PSMA1: variants seen among roughly 807,000 people sequenced by gnomAD.
The protein encoded by PSMA1 is proteasome 20S subunit alpha 1, also known as proteasome subunit alpha type-1.
PSMA1 carries 3 observed loss-of-function variants against 38.4 expected under a neutral mutation model. The observed-to-expected ratio is 0.08, with a 90% confidence interval of 0.04 to 0.20. PSMA1 has a LOEUF of 0.20. Ranked by LOEUF, PSMA1 falls within the 10% of genes least tolerant of loss-of-function variation. PSMA1 has a pLI of 1.00. For synonymous variants in PSMA1, 101 were observed against 107.1 expected, an observed-to-expected ratio of 0.94 and a Z score of 0.35; for missense variants, 227 against 325.3, an observed-to-expected ratio of 0.70 and a Z score of 2.32.
intron 2 of PSMA1, among the ~76,000 whole-genome samples, chr11:14,590,521 GA>G (rs1320657571): frequency 2.0e-5 from 3 of 152,144 alleles, no homozygotes; most frequent in African/African-American, 7.2e-5. Flanking sequence ...GATGAGGAAT[GA>G]AAACATCAGT....
intron 2 of PSMA1, among the ~76,000 whole-genome samples, chr11:14,536,867 G>A (rs1851715607): frequency 6.6e-6 from 1 of 152,080 alleles, no homozygotes; most frequent in Non-Finnish European, 1.5e-5. Context: ...CGCCCGCCTC[G>A]GCCTCCCGAA....
chr11:14,600,607 G>A (rs766206870), intron 2 of PSMA1, among the ~76,000 whole-genome samples: 2 of 152,208 alleles, frequency 1.3e-5, no homozygotes, highest in Non-Finnish European at 2.9e-5. Context: ...GAACAGCACT[G>A]TATTTGAGCG....
chr11:14,518,105 CTT>C lies in PSMA1; in HGVS notation c.49-126_49-125del, dbSNP rs879358641. ...CTGATTTTTTTTTTAATCAAGAGACCTTTTTTTTTTTTTGAGACAGGTTCTCA... is the reference window on the plus strand; with the variant it reads ...CTGATTTTTTTTTTAATCAAGAGACCTTTTTTTTTTTGAGACAGGTTCTCA... On this transcript the variant is annotated intron_variant, in intron 2 of 9. Coordinates refer to ENST00000396394, the MANE Select transcript of PSMA1 (RefSeq NM_002786.4). The C allele has an allele frequency of 8.4e-3, 4,319 of 513,722 alleles. 1 individual carries two copies. The highest frequency in any genetic ancestry group is 0.012 in the Middle Eastern group (21 of 1,698). The allele number at this position is 513,722 out of a possible 1,614,324, so 31.8% of individuals were successfully genotyped here.
chr11:14,551,142 A>G (rs529345855), intron 2 of PSMA1, among the ~76,000 whole-genome samples: 171 of 152,338 alleles, frequency 1.1e-3, no homozygotes, highest in African/African-American at 3.9e-3. Context: ...TTCAAATACT[A>G]TAATGATGTA....
intron 5 of PSMA1, chr11:14,514,111 C>T (rs928175853): frequency 7.6e-7 from 1 of 1,320,348 alleles, no homozygotes; most frequent in African/African-American, 1.5e-5. Context: ...CCATCTAAAA[C>T]CTGATTTGTT....
intron 8 of PSMA1, among the ~76,000 whole-genome samples, chr11:14,509,222 C>G (rs1234690122): frequency 1.3e-5 from 2 of 152,152 alleles, no homozygotes; most frequent in African/African-American, 4.8e-5. Context: ...CCTGTTCCTC[C>G]CACTATCTTC....
intron 2 of PSMA1, among the ~76,000 whole-genome samples, chr11:14,582,582 A>G (rs1852295271): frequency 6.6e-6 from 1 of 152,120 alleles, no homozygotes; most frequent in African/African-American, 2.4e-5. Flanking sequence ...TAGTGGCGCC[A>G]TCTTGGCTCA....
intron 2 of PSMA1, among the ~76,000 whole-genome samples, chr11:14,559,390 T>G (rs1353210255): frequency 6.6e-6 from 1 of 152,204 alleles, no homozygotes; most frequent in African/African-American, 2.4e-5. Context: ...AGAGGAATTT[T>G]AGTTCCCTTC....
chr11:14,592,275 G>T (rs1287440574), intron 2 of PSMA1, among the ~76,000 whole-genome samples: 1 of 151,810 alleles, frequency 6.6e-6, no homozygotes, highest in Non-Finnish European at 1.5e-5. Context: ...GACACACCAG[G>T]ACCTTCCGCT....
At chr11:14,506,555 T>C (rs945385726) in intron 9 of PSMA1, among the ~76,000 whole-genome samples, 2 of 152,164 alleles carry the variant, frequency 1.3e-5, no homozygotes, top group Non-Finnish European at 2.9e-5. Context: ...AAATAGCAAA[T>C]GTATATTCTA....
At chr11:14,553,430 T>C (rs1851908961) in intron 2 of PSMA1, among the ~76,000 whole-genome samples, 1 of 152,196 alleles carries the variant, frequency 6.6e-6, no homozygotes. Flanking sequence ...AGAACTGTTT[T>C]ATTACTACAA....
chr11:14,634,659 T>C (rs1853088999), intron 1 of PSMA1, among the ~76,000 whole-genome samples: 1 of 152,210 alleles, frequency 6.6e-6, no homozygotes, highest in Non-Finnish European at 1.5e-5. Flanking sequence ...TCAGGCTTTC[T>C]ATGCCCATGA....
At chr11:14,509,747 C>G in intron 8 of PSMA1, among the ~76,000 whole-genome samples, 1 of 139,874 alleles carries the variant, frequency 7.1e-6, no homozygotes, top group African/African-American at 2.7e-5. Flanking sequence ...CGGAGTCTCG[C>G]TCTGTCGCCC....
At chr11:14,576,214 T>C (rs1589997323) in intron 2 of PSMA1, among the ~76,000 whole-genome samples, 1 of 152,248 alleles carries the variant, frequency 6.6e-6, no homozygotes, top group East Asian at 1.9e-4. Flanking sequence ...AAAAATTTTC[T>C]CCCATTCTGT....
At chr11:14,520,466 C>G (rs1565035214), upstream of PSMA1, 7 of 1,532,470 alleles carry the variant, frequency 4.6e-6, no homozygotes, top group Middle Eastern at 3.5e-4. Flanking sequence ...CAACACTTCC[C>G]CCTCCTTAAA....
chr11:14,604,510 GA>G, intron 2 of PSMA1, among the ~76,000 whole-genome samples: 1 of 151,862 alleles, frequency 6.6e-6, no homozygotes, highest in Non-Finnish European at 1.5e-5. Flanking sequence ...GGTCACATGA[GA>G]AAAAAAGGTA....
At chr11:14,523,580 C>T (rs2134155013), upstream of PSMA1, among the ~76,000 whole-genome samples, 1 of 145,724 alleles carries the variant, frequency 6.9e-6, no homozygotes. Flanking sequence ...CTCCTCAGCT[C>T]TCAGGATACA....
At chr11:14,539,259 C>T (rs1851745107) in intron 2 of PSMA1, among the ~76,000 whole-genome samples, 1 of 152,178 alleles carries the variant, frequency 6.6e-6, no homozygotes, top group Non-Finnish European at 1.5e-5. Context: ...GACTCTGTGT[C>T]ACTTTCCCCC....
At chr11:14,517,857 G>T in intron 3 of PSMA1, 23 bp downstream of exon 3, 1 of 1,554,746 alleles carries the variant, frequency 6.4e-7, no homozygotes, top group Non-Finnish European at 8.8e-7. Context: ...TACAGAGGAA[G>T]ACATATTTAT....
Sources: allele counts gnomAD v4.1 joint callset (sites outside exome capture counted in the v4.1 genomes callset), GRCh38; gene constraint gnomAD v4.1.1; transcripts MANE v1.5; gene names NCBI Gene and HGNC (gene_info 2026-07-23, HGNC 2026-07-21).